The following MTIF2 variants were observed in gnomAD, a reference collection of about 807,000 sequenced individuals.
MTIF2 encodes the protein mitochondrial translational initiation factor 2.
In MTIF2, 71 loss-of-function variants were observed where a neutral mutation model predicts 83.5. The observed-to-expected ratio is 0.85, with a 90% CI of 0.70 to 1.04. MTIF2 has a LOEUF of 1.04. MTIF2 is among the 50% of genes least tolerant of loss of function. The probability of loss-of-function intolerance (pLI) is 0.00; values close to 1 mark genes in which losing one functional copy is unlikely to be tolerated. For synonymous variants in MTIF2, 319 were observed against 287.1 expected, an observed-to-expected ratio of 1.11 and a Z score of -1.12; for missense variants, 957 against 846.5, an observed-to-expected ratio of 1.13 and a Z score of -1.62.
Position 55,237,399 on chromosome 2 carries a change from C to T in MTIF2, c.1900G>A (p.Val634Ile), listed in dbSNP as rs779889264. Reference sequence around the variant, plus strand: ...GGAACTTTTTTCTTCCCTTCTGTTACAGAGAAGGTAGCTAGTATAGATGCC... The same window carrying T: ...GGAACTTTTTTCTTCCCTTCTGTTATAGAGAAGGTAGCTAGTATAGATGCC... ...GEASILATFS[V>I]TEGKKKVPVA... The change falls in exon 15 of 16, where the codon GTA becomes ATA. Residue 634 changes from valine (V) to isoleucine (I), a missense_variant. This residue lies in a region of MTIF2 where 221 missense variants were observed against 180.6 expected (regional missense o/e 1.22). Coordinates refer to ENST00000263629, the MANE Select transcript of MTIF2 (RefSeq NM_002453.3). The T allele has an allele frequency of 6.2e-6, 10 of 1,612,490 alleles. No individual in the cohort carries two copies. Among genetic ancestry groups the T allele is most frequent in the Middle Eastern group, 1.9e-4 (1 of 5,144 alleles).
intron 8 of MTIF2, among the ~76,000 whole-genome samples, chr2:55,250,713 G>A (rs933964638): frequency 9.2e-5 from 14 of 152,118 alleles, no homozygotes; most frequent in African/African-American, 3.4e-4. Flanking sequence ...AAAATTCTAC[G>A]AGGTAATTCT....
Position 55,243,940 on chromosome 2 carries a change from C to T in MTIF2, c.1311+89G>A, listed in dbSNP as rs1676508860. ...GCCCCTTATAATCTAGATTTGTTAA[C>T]ATTAATACACATATTTGGTATAACA... On this transcript the variant is annotated intron_variant, in intron 11 of 15. Coordinates refer to ENST00000263629, the MANE Select transcript of MTIF2 (RefSeq NM_002453.3). 6 of 1,154,890 alleles carry T rather than the reference C, an allele frequency of 5.2e-6. No individual in the cohort carries two copies. In the South Asian group the frequency reaches 6.5e-5, roughly 13 times the overall value. The allele number at this position is 1,154,890 out of a possible 1,614,324, so 71.5% of individuals were successfully genotyped here.
intron 15 of MTIF2, 119 bp downstream of exon 15, chr2:55,237,166 CAAT>C: frequency 4.4e-6 from 5 of 1,132,512 alleles, no homozygotes; most frequent in Non-Finnish European, 6.2e-6. Flanking sequence ...GTTTCAATAG[CAAT>C]AAGAAATGGC....
intron 15 of MTIF2, 37 bp downstream of exon 15, chr2:55,237,251 T>A: frequency 6.3e-7 from 1 of 1,586,728 alleles, no homozygotes; most frequent in Non-Finnish European, 8.6e-7. Flanking sequence ...TCTTGGTGAC[T>A]GGATATGCTA....
chr2:55,242,708 G>A (rs753963116), intron 13 of MTIF2, among the ~76,000 whole-genome samples: 16 of 152,120 alleles, frequency 1.1e-4, no homozygotes, highest in Non-Finnish European at 2.2e-4. Context: ...ACGTGACCAG[G>A]TCTTGAAATA....
intron 4 of MTIF2, among the ~76,000 whole-genome samples, 173 bp downstream of exon 4, chr2:55,263,467 G>A (rs1040096808): frequency 1.3e-5 from 2 of 152,080 alleles, no homozygotes; most frequent in Non-Finnish European, 2.9e-5. Flanking sequence ...TAACTATAGC[G>A]GGTGCGGTGG....
rs1676182366 is a variant in MTIF2, at chr2:55,240,013, A to G, written c.1868T>C (p.Val623Ala). Residue 623 changes from valine to alanine, a missense_variant and splice_region_variant, in exon 14 of 16, where the codon GTA (valine) becomes GCA (alanine). This residue lies in a region of MTIF2 where 221 missense variants were observed against 180.6 expected (regional missense o/e 1.22). Transcript: ENST00000263629. Reference protein sequence around the residue: ...RLPCAVEEHPVGEASILATFS... With the variant: ...RLPCAVEEHPAGEASILATFS... ...AGTAACATTCAGTGATCACTCACCT[A>G]CTGGGTGCTCTTCCACAGCACAGGG... 1 of 1,607,604 alleles carries G rather than the reference A, an allele frequency of 6.2e-7. No homozygotes were observed. Among genetic ancestry groups the G allele is most frequent in the African/African-American group, 1.3e-5 (1 of 74,846 alleles).
At chr2:55,237,552 A>C (rs1305287436) in intron 14 of MTIF2, 124 bp from the exon 15 acceptor site, 3 of 850,598 alleles carry the variant, frequency 3.5e-6, no homozygotes, top group East Asian at 3.2e-5. Flanking sequence ...CCTAGAAAAA[A>C]GTCTGGGTTT....
At chr2:55,243,232 A>C (rs1676451281) in intron 12 of MTIF2, 152 bp from the exon 13 acceptor site, 3 of 1,034,186 alleles carry the variant, frequency 2.9e-6, no homozygotes, top group Non-Finnish European at 4.2e-6. Flanking sequence ...TATCTACTTG[A>C]CTTAATAGCA....
chr2:55,257,398 T>C (rs1026128662), intron 5 of MTIF2, among the ~76,000 whole-genome samples: 1 of 152,094 alleles, frequency 6.6e-6, no homozygotes, highest in African/African-American at 2.4e-5. Flanking sequence ...GGAGACTCTC[T>C]TGAACCCGGG....
At chr2:55,261,728 C>T (rs1553375328) in intron 5 of MTIF2, among the ~76,000 whole-genome samples, 1 of 151,766 alleles carries the variant, frequency 6.6e-6, no homozygotes, top group Non-Finnish European at 1.5e-5. Context: ...TACTTGCACC[C>T]AGGAGTTCAA....
intron 13 of MTIF2, among the ~76,000 whole-genome samples, chr2:55,242,117 G>A (rs545338854): frequency 2.3e-3 from 340 of 150,666 alleles, no homozygotes; most frequent in African/African-American, 8.1e-3. Flanking sequence ...ACTCCAGCCT[G>A]GGCAAAAGAG....
chr2:55,249,702 C>T (rs879534626), intron 8 of MTIF2, among the ~76,000 whole-genome samples, 168 bp from the exon 9 acceptor site: 7 of 152,092 alleles, frequency 4.6e-5, no homozygotes, highest in Non-Finnish European at 7.4e-5. Context: ...CCCTACTCTG[C>T]GCTCTACATA....
At position 55,252,553 on chromosome 2, in the gene MTIF2, G is replaced by A. The variant is rs769927901; in HGVS notation, c.765C>T (p.Val255=). Residue 255 remains valine (V), a synonymous_variant, in exon 8 of 16, where the codon GTC becomes GTT. Coordinates refer to ENST00000263629, the MANE Select transcript of MTIF2 (RefSeq NM_002453.3). ...RARGAQVTDI[V]VLVVAADDGV... ...CATCATCTGCAGCTACAACCAATAC[G>A]ACAATGTCAGTGACCTGAGCACCTC... 2.7e-5 allele frequency: 43 copies of A among 1,613,908 alleles called. No individual in the cohort carries two copies. Among genetic ancestry groups the A allele is most frequent in the Admixed American group, 6.7e-5 (4 of 59,998 alleles).
rs1266387299 is a variant in MTIF2 at position 55,237,406 on chromosome 2, G to C, written c.1893C>G (p.Thr631=). 7 of 1,612,316 alleles carry C rather than the reference G, an allele frequency of 4.3e-6. No homozygotes were observed. In the South Asian group the frequency reaches 6.6e-5, roughly 15 times the overall value. ...TTTTCTTCCCTTCTGTTACAGAGAA[G>C]GTAGCTAGTATAGATGCCTCACCTT... is the stretch of plus-strand genomic sequence containing the variant. The part of the protein sequence containing the change: ...HPVGEASILA[T]FSVTEGKKKV... Residue 631 remains threonine (T), a synonymous_variant, in exon 15 of 16, where the codon ACC becomes ACG. Transcript: ENST00000263629.
chr2:55,249,578 C>T, intron 8 of MTIF2, 44 bp from the exon 9 acceptor site: 1 of 1,600,522 alleles, frequency 6.2e-7, no homozygotes, highest in South Asian at 1.1e-5. Context: ...ATGACACCTT[C>T]AATTCCAGGT....
chr2:55,257,572 A>G (rs561909452), intron 5 of MTIF2, among the ~76,000 whole-genome samples: 2 of 152,330 alleles, frequency 1.3e-5, no homozygotes, highest in Admixed American at 6.5e-5. Context: ...CAAATGTTTA[A>G]TAACTATGCT....
intron 12 of MTIF2, 29 bp from the exon 13 acceptor site, chr2:55,243,109 G>C: frequency 6.4e-7 from 1 of 1,565,268 alleles, no homozygotes; most frequent in Non-Finnish European, 8.6e-7. Context: ...TATAATTGTT[G>C]CTTTTAAGAG....
chr2:55,252,569 T>G lies in MTIF2; in HGVS notation c.749A>C (p.Gln250Pro), dbSNP rs200943293. ...AFSAMRARGAQVTDIVVLVVA... is the reference protein window; with the variant it reads ...AFSAMRARGAPVTDIVVLVVA... ...AACCAATACGACAATGTCAGTGACCTGAGCACCTCTGGCTCTCATTGCTGA... is the reference window on the plus strand; with the variant it reads ...AACCAATACGACAATGTCAGTGACCGGAGCACCTCTGGCTCTCATTGCTGA... Residue 250 changes from glutamine (Q) to proline (P), a missense_variant, in exon 8 of 16, where the codon CAG becomes CCG. By Grantham distance (76) the Gln-to-Pro change is moderately conservative. This residue lies in a region of MTIF2 where 733 missense variants were observed against 648.7 expected (regional missense o/e 1.13). Coordinates refer to ENST00000263629, the MANE Select transcript of MTIF2 (RefSeq NM_002453.3). 5.0e-6 allele frequency: 8 copies of G among 1,614,166 alleles called. No individual in the cohort carries two copies. The highest frequency in any genetic ancestry group is 6.8e-6 in the Non-Finnish European group (8 of 1,179,986).
Sources: allele counts gnomAD v4.1 joint callset (sites outside exome capture counted in the v4.1 genomes callset), GRCh38; gene constraint gnomAD v4.1.1; regional missense constraint gnomAD v4.1.1; transcripts MANE v1.5; gene names NCBI Gene and HGNC (gene_info 2026-07-23, HGNC 2026-07-21).